CASZ1: variants seen among roughly 807,000 people sequenced by gnomAD.
The protein encoded by CASZ1 is zinc finger protein castor homolog 1.
A neutral mutation model predicts 135.2 loss-of-function variants in CASZ1; 28 were observed. The observed-to-expected ratio is 0.21, with a 90% CI of 0.15 to 0.28. CASZ1 has a LOEUF of 0.28. Ranked by LOEUF, CASZ1 falls within the 10% of genes least tolerant of loss-of-function variation. The pLI is 1.00. For missense variants in CASZ1, 2,161 were observed against 2,453.3 expected, an observed-to-expected ratio of 0.88 and a Z score of 2.52; for synonymous variants, 1,068 against 1,073.4, an observed-to-expected ratio of 0.99 and a Z score of 0.10.
intron 1 of CASZ1, among the ~76,000 whole-genome samples, chr1:10,770,704 C>T (rs1640560106): frequency 6.6e-6 from 1 of 152,198 alleles, no homozygotes; most frequent in Admixed American, 6.5e-5. Context: ...ACCAGTGGGA[C>T]CCAGCTTCCT....
intron 4 of CASZ1, among the ~76,000 whole-genome samples, chr1:10,686,213 G>A (rs2100380045): frequency 6.6e-6 from 1 of 152,320 alleles, no homozygotes; most frequent in African/African-American, 2.4e-5. Flanking sequence ...AGGTCACAGG[G>A]CCGTCCACAC....
rs866594023 is a variant in CASZ1 at position 10,747,479 on chromosome 1, G to C, written c.-77+13222C>G. Among the ~76,000 whole-genome samples the C allele has an allele frequency of 1.3e-5, 2 of 152,344 alleles. No individual in the cohort carries two copies. Among genetic ancestry groups the C allele is most frequent in the African/African-American group, 4.8e-5 (2 of 41,580 alleles). Reference sequence around the variant, plus strand: ...GGCGTTCCACCCAGATGTCAGGGAAGAACCCTGGAGTAGAACACATCTCAG... The same window carrying C: ...GGCGTTCCACCCAGATGTCAGGGAACAACCCTGGAGTAGAACACATCTCAG... On this transcript the variant is annotated intron_variant, in intron 2 of 20. Coordinates refer to ENST00000377022, the MANE Select transcript of CASZ1 (RefSeq NM_001079843.3). The surrounding 1 kb of genome is among the most constrained non-coding windows in gnomAD (Gnocchi z 4.3).
Position 10,650,734 on chromosome 1 carries a change from T to C in CASZ1, c.2838A>G (p.Ala946=), listed in dbSNP as rs145056756. The C allele has an allele frequency of 3.2e-4, 518 of 1,614,174 alleles. 5 individuals carry two copies. In the African/African-American group the frequency reaches 5.2e-3, roughly 16 times the overall value. The change falls in exon 13 of 21, where the codon GCA becomes GCG. Residue 946 remains alanine (A), a synonymous_variant. Transcript: ENST00000377022. ...KEPSNESNGH[A]VPANSSLLSS... The stretch of plus-strand genomic sequence containing the variant: ...ATAAAAGAGATGAATTTGCCGGGAC[T>C]GCGTGGCCATTTGATTCGTTGCTAG...
At chr1:10,714,307 CAAAGAAAG>C (rs529676191) in intron 2 of CASZ1, among the ~76,000 whole-genome samples, 12 of 151,124 alleles carry the variant, frequency 7.9e-5, no homozygotes, top group South Asian at 2.1e-4. Context: ...GACTCCATCT[CAAAGAAAG>C]AAAGAAAGAA....
In CASZ1 at chr1:10,639,098, CTCGTCG is replaced by C. The variant is rs768102868; in HGVS notation, c.5118_5123del (p.Asp1706_Asp1707del). 10 of 1,119,738 alleles carry C rather than the reference CTCGTCG, an allele frequency of 8.9e-6. No individual in the cohort carries two copies. The Middle Eastern group carries it at 9.7e-4, about 108-fold the overall frequency. The allele number at this position is 1,119,738 out of a possible 1,614,324, so 69.4% of individuals were successfully genotyped here. A position where few individuals can be genotyped will look rare whatever the true frequency, so the allele number is the denominator to read the frequency against. On this transcript the variant is annotated inframe_deletion, in exon 21 of 21. Transcript: ENST00000377022. This position sits in a 1 kb window ranked among gnomAD's most constrained non-coding sequence, Gnocchi z 4.0. ...TGCGCAGGTCCTCGTCGTCGTCGTC[CTCGTCG>C]TCGTCCTCGTCGTCGTCGTCCTCGT...
At chr1:10,648,924 A>G in intron 15 of CASZ1, 146 bp downstream of exon 15, 1 of 1,158,362 alleles carries the variant, frequency 8.6e-7, no homozygotes, top group Non-Finnish European at 1.2e-6. Context: ...TGGGAAGCCC[A>G]CCCTTGCTGG....
At position 10,739,938 on chromosome 1, in the gene CASZ1, A is replaced by G. The variant is rs1052578071; in HGVS notation, c.-77+20763T>C. Among the ~76,000 whole-genome samples, 3 of 152,170 alleles carry G rather than the reference A, an allele frequency of 2.0e-5. No homozygotes were observed. Among genetic ancestry groups the G allele is most frequent in the African/African-American group, 7.2e-5 (3 of 41,450 alleles). On this transcript the variant is annotated intron_variant, in intron 2 of 20. Coordinates refer to ENST00000377022, the MANE Select transcript of CASZ1 (RefSeq NM_001079843.3). This position sits in a 1 kb window ranked among gnomAD's most constrained non-coding sequence, Gnocchi z 4.8. Reference sequence around the variant, plus strand: ...TCAGTCGTTCAGGGAGAAAGGGACCACAGCCAACCCACCACACAGGTGGAG... The same window carrying G: ...TCAGTCGTTCAGGGAGAAAGGGACCGCAGCCAACCCACCACACAGGTGGAG...
At chr1:10,641,188 C>T (rs1039236255) in intron 20 of CASZ1, among the ~76,000 whole-genome samples, 18 of 152,238 alleles carry the variant, frequency 1.2e-4, no homozygotes, top group African/African-American at 3.6e-4. Flanking sequence ...AGGGCTGTGA[C>T]GGTGTAGGGG....
Position 10,649,287 on chromosome 1 carries a change from G to C in CASZ1, c.3031C>G (p.Arg1011Gly). ...KLAEPWKVYL[R>G]RFGTKDFCDG... is the part of the protein sequence containing the mutation. ...ACGCGGCCAGCAGCCCCTCACCTGC[G>C]CAGGTACACCTTCCAGGGCTCTGCC... The change falls in exon 14 of 21, where the codon CGC (arginine) becomes GGC (glycine). Residue 1011 changes from arginine to glycine, a missense_variant. Physicochemically the swap from Arg to Gly is moderately radical, Grantham distance 125. Coordinates refer to ENST00000377022, the MANE Select transcript of CASZ1 (RefSeq NM_001079843.3). 6.3e-7 allele frequency: 1 copy of C among 1,599,316 alleles called. No individual in the cohort carries two copies.
At position 10,647,278 on chromosome 1, in the gene CASZ1, C is replaced by G. The variant is rs762486982; in HGVS notation, c.3497+523G>C. The G allele has an allele frequency of 1.0e-6, 1 of 998,920 alleles. No homozygotes were observed. The allele number at this position is 998,920 out of a possible 1,614,324, so 61.9% of individuals were successfully genotyped here. A position where few individuals can be genotyped will look rare whatever the true frequency, so the allele number is the denominator to read the frequency against. ...CGCACACATGACAATACAAAGTCAC[C>G]GTTCTCCCTGCAAGGAGCCACCACC... On this transcript the variant is annotated intron_variant, in intron 16 of 20. Coordinates refer to ENST00000377022, the MANE Select transcript of CASZ1 (RefSeq NM_001079843.3). The surrounding 1 kb of genome is among the most constrained non-coding windows in gnomAD (Gnocchi z 4.9).
At position 10,774,104 on chromosome 1, in the gene CASZ1, G is replaced by T. The variant is rs543164053; in HGVS notation, c.-233-13247C>A. ...CCAGGTGCTCCTGGGGTCCTCCACCGCCAGGCCCACAAGGGGCACTGCACT... is the reference window on the plus strand; with the variant it reads ...CCAGGTGCTCCTGGGGTCCTCCACCTCCAGGCCCACAAGGGGCACTGCACT... On this transcript the variant is annotated intron_variant, in intron 1 of 20. Coordinates refer to ENST00000377022, the MANE Select transcript of CASZ1 (RefSeq NM_001079843.3). This position sits in a 1 kb window ranked among gnomAD's most constrained non-coding sequence, Gnocchi z 4.4. 1.3e-5 allele frequency among the ~76,000 whole-genome samples: 2 copies of T among 152,218 alleles called. No individual in the cohort carries two copies. The highest frequency in any genetic ancestry group is 2.1e-4 in the South Asian group (1 of 4,818).
rs968718995 is a variant in CASZ1 at position 10,700,797 on chromosome 1, G to C, written c.-24+4695C>G. Among the ~76,000 whole-genome samples, 1 of 152,154 alleles carries C rather than the reference G, an allele frequency of 6.6e-6. No homozygotes were observed. The highest frequency in any genetic ancestry group is 1.5e-5 in the Non-Finnish European group (1 of 68,030). On this transcript the variant is annotated intron_variant, in intron 3 of 20. Coordinates refer to ENST00000377022, the MANE Select transcript of CASZ1 (RefSeq NM_001079843.3). This position sits in a 1 kb window ranked among gnomAD's most constrained non-coding sequence, Gnocchi z 4.2. ...TAATGAGTACAGGGTTTCTTCCTGG[G>C]GGAATGAAAATGTTCTAAAATTAGA... is the stretch of plus-strand genomic sequence containing the variant.
intron 2 of CASZ1, among the ~76,000 whole-genome samples, chr1:10,730,516 C>G (rs1376580310): frequency 3.3e-5 from 5 of 152,188 alleles, no homozygotes; most frequent in Non-Finnish European, 7.3e-5. Flanking sequence ...GAGAGTGGAA[C>G]CAGCTGCCTG....
intron 2 of CASZ1, among the ~76,000 whole-genome samples, chr1:10,731,031 G>A (rs141551748): frequency 0.011 from 1,603 of 152,154 alleles, 19 homozygotes; most frequent in Non-Finnish European, 0.018. Flanking sequence ...ACTTGAACCC[G>A]GGAGGCAGAA....
chr1:10,654,694 G>C (rs570696091), intron 9 of CASZ1, 103 bp from the exon 10 acceptor site: 1 of 1,154,136 alleles, frequency 8.7e-7, no homozygotes, highest in South Asian at 1.5e-5. Context: ...CCCTGCTCAG[G>C]GAAGCTTTGG....
rs1179025476 is a variant in CASZ1 at position 10,724,586 on chromosome 1, T to G, written c.-76-19042A>C. Among the ~76,000 whole-genome samples the G allele has an allele frequency of 6.6e-6, 1 of 151,904 alleles. No homozygotes were observed. The highest frequency in any genetic ancestry group is 1.5e-5 in the Non-Finnish European group (1 of 67,956). On this transcript the variant is annotated intron_variant, in intron 2 of 20. Coordinates refer to ENST00000377022, the MANE Select transcript of CASZ1 (RefSeq NM_001079843.3). This position sits in a 1 kb window ranked among gnomAD's most constrained non-coding sequence, Gnocchi z 4.1. ...CCAGGAATCACCTAGCCCTCAGGGG[T>G]AGGGGCTCAGGGAGTGGGAGCAGAG...
At chr1:10,692,975 C>T (rs114024231) in intron 4 of CASZ1, among the ~76,000 whole-genome samples, 1,790 of 152,232 alleles carry the variant, frequency 0.012, 33 homozygotes, top group African/African-American at 0.038. Context: ...GGGTCCTGGT[C>T]AAAATTTGGT....
chr1:10,665,569 C>A lies in CASZ1; in HGVS notation c.19G>T (p.Glu7Ter), dbSNP rs1643209514. MDLGTAEGTRCTDPPAG... is the reference protein window; with the variant it reads MDLGTA ...GGCGGGTCCGTGCACCGGGTGCCCT[C>A]AGCTGCAGGGATGGAGGAGAGCACG... Residue 7 changes from glutamate to a stop codon, truncating the protein, a stop_gained and splice_region_variant, in exon 5 of 21, where the codon GAG (glutamate) becomes TAG (stop). Transcript: ENST00000377022. LOFTEE classifies it high-confidence loss of function. The A allele has an allele frequency of 6.4e-7, 1 of 1,556,290 alleles. No individual in the cohort carries two copies.
chr1:10,747,817 C>CTT lies in CASZ1; in HGVS notation c.-77+12882_-77+12883dup, dbSNP rs34001765. Among the ~76,000 whole-genome samples, 31 of 134,182 alleles carry CTT rather than the reference C, an allele frequency of 2.3e-4. No homozygotes were observed. Among genetic ancestry groups the CTT allele is most frequent in the African/African-American group, 8.3e-4 (29 of 34,900 alleles). 88.0% of individuals were successfully genotyped at this position (134,182 alleles called of 152,430 possible). ...CAGTACACTGTGCTCACCTGCCTGACTTTTTTTTTTTTTTTTTGAGATGGA... is the reference window on the plus strand; with the variant it reads ...CAGTACACTGTGCTCACCTGCCTGACTTTTTTTTTTTTTTTTTTTGAGATGGA... On this transcript the variant is annotated intron_variant, in intron 2 of 20. Coordinates refer to ENST00000377022, the MANE Select transcript of CASZ1 (RefSeq NM_001079843.3). The surrounding 1 kb of genome is among the most constrained non-coding windows in gnomAD (Gnocchi z 4.3).
Sources: gnomAD v4.1 joint callset for allele counts (sites outside exome capture counted in the v4.1 genomes callset) on GRCh38, gnomAD v4.1.1 for gene constraint, Gnocchi (gnomAD v3.1) non-coding constraint, MANE v1.5 for transcripts, NCBI Gene and HGNC (gene_info 2026-07-23, HGNC 2026-07-21) for gene names.